Variants in EYS observed in about 807,000 individuals in gnomAD.
The protein encoded by EYS is EGF-like photoreceptor maintenance factor.
A neutral mutation model predicts 282.1 loss-of-function variants in EYS; 250 were observed. That is an observed-to-expected ratio of 0.89 (90% CI 0.80 to 0.98). The LOEUF (loss-of-function observed/expected upper bound fraction) is 0.98. EYS is among the 50% of genes least tolerant of loss of function. The pLI is 0.00. For missense variants in EYS, 4,016 were observed against 3,709.0 expected, an observed-to-expected ratio of 1.08 and a Z score of -2.15; for synonymous variants, 1,355 against 1,282.9, an observed-to-expected ratio of 1.06 and a Z score of -1.20.
chr6:64,347,617 C>A (rs1224105163), intron 29 of EYS, among the ~76,000 whole-genome samples: 1 of 151,288 alleles, frequency 6.6e-6, no homozygotes, highest in Admixed American at 6.6e-5. Context: ...TTACTATAGG[C>A]ACTCCAACAT....
chr6:64,055,526 C>T (rs1258775788), intron 33 of EYS, among the ~76,000 whole-genome samples: 2 of 152,030 alleles, frequency 1.3e-5, no homozygotes, highest in Non-Finnish European at 2.9e-5. Flanking sequence ...TTTACGTGTC[C>T]TGTGCCTTCA....
At chr6:65,510,485 C>T (rs1276727731) in intron 2 of EYS, among the ~76,000 whole-genome samples, 1 of 151,988 alleles carries the variant, frequency 6.6e-6, no homozygotes. Flanking sequence ...ATTTTTAAAA[C>T]TTCAAATATC....
At chr6:64,819,572 T>C (rs574803458) in intron 21 of EYS, among the ~76,000 whole-genome samples, 64 of 152,108 alleles carry the variant, frequency 4.2e-4, no homozygotes, top group Non-Finnish European at 8.4e-4. Context: ...GTTAGATTCC[T>C]AGCTTTTATC....
intron 5 of EYS, among the ~76,000 whole-genome samples, chr6:65,456,316 G>T (rs1026780501): frequency 2.4e-4 from 36 of 151,958 alleles, no homozygotes; most frequent in African/African-American, 8.5e-4. Flanking sequence ...GCTGGGCGTG[G>T]TGGAGTGCCG....
At chr6:64,274,724 G>A (rs1312040827) in intron 30 of EYS, among the ~76,000 whole-genome samples, 3 of 151,806 alleles carry the variant, frequency 2.0e-5, no homozygotes, top group Non-Finnish European at 4.4e-5. Context: ...ACATTAGTAC[G>A]GTGTCTTTGT....
intron 19 of EYS, among the ~76,000 whole-genome samples, chr6:64,863,286 T>C (rs1766307050): frequency 6.6e-6 from 1 of 152,214 alleles, no homozygotes; most frequent in South Asian, 2.1e-4. Flanking sequence ...CTGAGTTCTT[T>C]CCCTTTCTCT....
At chr6:65,674,762 C>T (rs1159599161) in intron 1 of EYS, among the ~76,000 whole-genome samples, 1 of 151,600 alleles carries the variant, frequency 6.6e-6, no homozygotes, top group African/African-American at 2.4e-5. Flanking sequence ...CAAAAGAATG[C>T]TAGATAGCAA....
At chr6:64,015,017 C>G (rs997325815) in intron 33 of EYS, among the ~76,000 whole-genome samples, 1 of 152,046 alleles carries the variant, frequency 6.6e-6, no homozygotes, top group Non-Finnish European at 1.5e-5. Context: ...GTAATCTAGG[C>G]TTAATGATTG....
intron 5 of EYS, among the ~76,000 whole-genome samples, chr6:65,438,501 C>T (rs1768175216): frequency 6.6e-6 from 1 of 152,166 alleles, no homozygotes; most frequent in South Asian, 2.1e-4. Flanking sequence ...TATTTCTCCA[C>T]ATCCTCTCTA....
intron 15 of EYS, among the ~76,000 whole-genome samples, chr6:64,924,424 C>T (rs1365772061): frequency 6.6e-6 from 1 of 152,158 alleles, no homozygotes; most frequent in African/African-American, 2.4e-5. Flanking sequence ...AGGTCTCTGG[C>T]ATGGCCTGCA....
At chr6:64,564,300 C>T (rs1765493427) in intron 26 of EYS, among the ~76,000 whole-genome samples, 1 of 30,956 alleles carries the variant, frequency 3.2e-5, no homozygotes, top group East Asian at 9.0e-4. Flanking sequence ...TTTTTTGAGA[C>T]GGAGTTTCCC....
chr6:64,187,312 A>G lies in EYS; in HGVS notation c.6424+43280T>C, dbSNP rs565183823. ...CTCTTTTCTCAAATCTCTTCCCTTT[A>G]AACCTTCTAATGATGTCACAAGAAA... On this transcript the variant is annotated intron_variant, in intron 31 of 42. Coordinates refer to ENST00000503581, the MANE Select transcript of EYS (RefSeq NM_001142800.2). 5.3e-5 allele frequency among the ~76,000 whole-genome samples: 8 copies of G among 152,208 alleles called. No homozygotes were observed. In the South Asian group the frequency reaches 1.5e-3, roughly 28 times the overall value.
intron 37 of EYS, among the ~76,000 whole-genome samples, chr6:63,805,248 T>C (rs545131707): frequency 1.3e-5 from 2 of 152,306 alleles, no homozygotes; most frequent in South Asian, 2.1e-4. Context: ...AAGTAAAACA[T>C]AGGTAATTTT....
At chr6:65,185,750 T>C (rs921212626) in intron 12 of EYS, among the ~76,000 whole-genome samples, 3 of 151,760 alleles carry the variant, frequency 2.0e-5, no homozygotes, top group Non-Finnish European at 4.4e-5. Context: ...GGAAAAACAG[T>C]TGTCTTAAGC....
intron 7 of EYS, 126 bp from the exon 8 acceptor site, chr6:65,384,626 T>C: frequency 3.2e-6 from 2 of 615,710 alleles, no homozygotes; most frequent in East Asian, 2.8e-5. Context: ...CATTTTTTAA[T>C]ACATACCTGT....
chr6:65,488,329 C>T (rs1765890786), intron 5 of EYS, among the ~76,000 whole-genome samples: 1 of 152,144 alleles, frequency 6.6e-6, no homozygotes, highest in African/African-American at 2.4e-5. Context: ...AAATTTCCCT[C>T]TACACACTGC....
At chr6:65,423,394 G>C (rs1350066574) in intron 5 of EYS, among the ~76,000 whole-genome samples, 3 of 152,086 alleles carry the variant, frequency 2.0e-5, no homozygotes, top group East Asian at 3.9e-4. Context: ...GTGATGGGCA[G>C]ATGTTCTTCA....
At chr6:64,915,395 A>G (rs763613068) in intron 15 of EYS, among the ~76,000 whole-genome samples, 56 of 152,132 alleles carry the variant, frequency 3.7e-4, no homozygotes, top group Non-Finnish European at 3.4e-4. Context: ...TGACAATACT[A>G]TAAGAATTGA....
intron 26 of EYS, among the ~76,000 whole-genome samples, chr6:64,468,578 T>G (rs76920890): frequency 8.8e-4 from 134 of 152,306 alleles, no homozygotes; most frequent in African/African-American, 3.0e-3. Context: ...CACAGGAACT[T>G]GGTGTACAGA....
Sources: gnomAD v4.1 joint callset for allele counts (sites outside exome capture counted in the v4.1 genomes callset) on GRCh38, gnomAD v4.1.1 for gene constraint, MANE v1.5 for transcripts, NCBI Gene and HGNC (gene_info 2026-07-23, HGNC 2026-07-21) for gene names.